Variants in MEIS2 observed in about 807,000 individuals in gnomAD.
The protein encoded by MEIS2 is homeobox protein Meis2.
In MEIS2, 9 loss-of-function variants were observed where a neutral mutation model predicts 58.6. That is an observed-to-expected ratio of 0.15 (90% CI 0.09 to 0.27). The LOEUF (loss-of-function observed/expected upper bound fraction) is 0.27, where lower values mean the gene tolerates loss of function less well. Among genes scored for constraint, MEIS2 ranks in the 10% least tolerant of loss-of-function variants. The pLI, the probability that MEIS2 is intolerant of heterozygous loss-of-function variation, is 1.00. For synonymous variants in MEIS2, 221 were observed against 228.4 expected (o/e 0.97, Z 0.29); for missense variants, 427 against 635.0 (o/e 0.67, Z 3.52).
At chr15:36,984,463 C>G (rs2141523171) in intron 8 of MEIS2, among the ~76,000 whole-genome samples, 1 of 152,162 alleles carries the variant, frequency 6.6e-6, no homozygotes, top group South Asian at 2.1e-4. Context: ...GGATGTGATC[C>G]TTTCAATGTG....
Position 36,890,118 on chromosome 15 carries a change from C to T in MEIS2, c.*2055G>A, listed in dbSNP as rs1468606186. ...TGGATTTCTTCCAAGTTTAAGTTTG[C>T]AGAGATGATGAATAATTTCCTTAGC... On this transcript the variant is annotated 3_prime_UTR_variant, in exon 12 of 12. Coordinates refer to ENST00000561208, the MANE Select transcript of MEIS2 (RefSeq NM_170675.5). The T allele has an allele frequency of 6.6e-6, 1 of 152,124 alleles. No individual in the cohort carries two copies. Among genetic ancestry groups the T allele is most frequent in the Non-Finnish European group, 1.5e-5 (1 of 68,020 alleles). 9.4% of individuals were successfully genotyped at this position (152,124 alleles called of 1,614,324 possible). A position where few individuals can be genotyped will look rare whatever the true frequency, so the allele number is the denominator to read the frequency against.
chr15:37,099,222 G>C, intron 1 of MEIS2: 1 of 1,430,814 alleles, frequency 7.0e-7, no homozygotes, highest in Non-Finnish European at 9.1e-7. Context: ...CGCTCGCACA[G>C]CGCTGGAACA....
chr15:36,990,472 G>C (rs1042407239), intron 8 of MEIS2, among the ~76,000 whole-genome samples: 3 of 151,990 alleles, frequency 2.0e-5, no homozygotes, highest in African/African-American at 7.2e-5. Context: ...GGAGTCTCTT[G>C]TTCACTTAAA....
chr15:36,904,865 T>C (rs62002370), intron 9 of MEIS2, among the ~76,000 whole-genome samples: 16,773 of 152,234 alleles, frequency 0.11, 1,002 homozygotes, highest in Admixed American at 0.19. Flanking sequence ...ATAAGACATG[T>C]GCATTGTCTT....
chr15:37,072,741 A>G (rs962521047), intron 7 of MEIS2, among the ~76,000 whole-genome samples: 2 of 152,000 alleles, frequency 1.3e-5, no homozygotes, highest in Non-Finnish European at 2.9e-5. Context: ...GGTTAGTTAC[A>G]TATGTATACA....
At chr15:37,083,307 A>G (rs1050352385) in intron 7 of MEIS2, among the ~76,000 whole-genome samples, 2 of 152,206 alleles carry the variant, frequency 1.3e-5, no homozygotes, top group Admixed American at 1.3e-4. Flanking sequence ...ATTCCATGTA[A>G]AATTCCACAA....
At chr15:37,032,667 G>A (rs568271130) in intron 8 of MEIS2, among the ~76,000 whole-genome samples, 1 of 152,274 alleles carries the variant, frequency 6.6e-6, no homozygotes, top group South Asian at 2.1e-4. Flanking sequence ...TCAACCAACG[G>A]AAGAGGGTAA....
chr15:37,066,390 C>T (rs973439774), intron 7 of MEIS2: 1 of 152,116 alleles, frequency 6.6e-6, no homozygotes, highest in Non-Finnish European at 1.5e-5. Context: ...AACTGAATAC[C>T]TTTTATGCAA....
chr15:36,909,815 A>T (rs2141262200), intron 9 of MEIS2, among the ~76,000 whole-genome samples: 1 of 139,568 alleles, frequency 7.2e-6, no homozygotes, highest in South Asian at 2.6e-4. Context: ...GAGGAATGAG[A>T]ACTGAGATCA....
chr15:37,031,815 TTGTGTGTGTGTGTG>T (rs66770353), intron 8 of MEIS2, among the ~76,000 whole-genome samples: 14 of 134,118 alleles, frequency 1.0e-4, no homozygotes, highest in African/African-American at 1.7e-4. Context: ...TTACATCACT[TTGTGTGTGTGTGTG>T]TGTGTGTGTG....
At chr15:36,907,137 C>A (rs1022283497) in intron 9 of MEIS2, among the ~76,000 whole-genome samples, 4 of 152,138 alleles carry the variant, frequency 2.6e-5, no homozygotes, top group Non-Finnish European at 5.9e-5. Context: ...TATTTTTAAG[C>A]AATAGCATAA....
rs114868287 is a variant in MEIS2, at chr15:37,012,834, G to T, written c.900+23980C>A. ...TATTTTTCAGGTGTACATATGAAAGGTTAGAATAATATTTTTTCAATGTGG... is the reference window on the plus strand; with the variant it reads ...TATTTTTCAGGTGTACATATGAAAGTTTAGAATAATATTTTTTCAATGTGG... On this transcript the variant is annotated intron_variant, in intron 8 of 11. Coordinates refer to ENST00000561208, the MANE Select transcript of MEIS2 (RefSeq NM_170675.5). Among the ~76,000 whole-genome samples, 285 of 152,204 alleles carry T rather than the reference G, an allele frequency of 1.9e-3. 2 individuals are homozygous for T. Among genetic ancestry groups the T allele is most frequent in the African/African-American group, 6.7e-3 (280 of 41,536 alleles).
chr15:36,963,034 T>C (rs898763654), intron 8 of MEIS2, among the ~76,000 whole-genome samples: 1 of 152,188 alleles, frequency 6.6e-6, no homozygotes, highest in Non-Finnish European at 1.5e-5. Flanking sequence ...AGATCAAAAG[T>C]GTGGATAGAA....
intron 10 of MEIS2, among the ~76,000 whole-genome samples, chr15:36,896,092 A>C (rs541869908): frequency 1.3e-5 from 2 of 152,362 alleles, no homozygotes; most frequent in East Asian, 3.9e-4. Flanking sequence ...TTCTGAGAAA[A>C]GCTCACATGT....
intron 7 of MEIS2, among the ~76,000 whole-genome samples, chr15:37,069,988 CT>C (rs1890480250): frequency 6.6e-6 from 1 of 152,082 alleles, no homozygotes; most frequent in Non-Finnish European, 1.5e-5. Context: ...GCCACCCAAC[CT>C]CCAACTCAAT....
intron 8 of MEIS2, among the ~76,000 whole-genome samples, chr15:37,012,295 A>AAAACATTCC (rs945425159): frequency 6.6e-6 from 1 of 152,248 alleles, no homozygotes; most frequent in African/African-American, 2.4e-5. Context: ...TTTGATCATT[A>AAAACATTCC]AAACATCTCC....
chr15:37,031,351 G>C (rs1019647695), intron 8 of MEIS2, among the ~76,000 whole-genome samples: 2 of 151,976 alleles, frequency 1.3e-5, no homozygotes, highest in African/African-American at 4.8e-5. Flanking sequence ...ACTAGTCAAA[G>C]GGCAAAATAG....
At chr15:37,089,244 A>C (rs534424951) in intron 6 of MEIS2, among the ~76,000 whole-genome samples, 1 of 152,220 alleles carries the variant, frequency 6.6e-6, no homozygotes, top group South Asian at 2.1e-4. Flanking sequence ...CTAGCAAATA[A>C]AATAAAGCAT....
At chr15:36,990,862 G>A (rs768050020) in intron 8 of MEIS2, among the ~76,000 whole-genome samples, 28 of 152,136 alleles carry the variant, frequency 1.8e-4, no homozygotes, top group Non-Finnish European at 3.4e-4. Context: ...ATTTTCTTCT[G>A]AGGGAGGATT....
Sources: allele counts gnomAD v4.1 joint callset (sites outside exome capture counted in the v4.1 genomes callset), GRCh38; gene constraint gnomAD v4.1.1; transcripts MANE v1.5; gene names NCBI Gene and HGNC (gene_info 2026-07-23, HGNC 2026-07-21).